The following ANKRD13A variants were observed in gnomAD, a reference collection of about 807,000 sequenced individuals.
ANKRD13A encodes ankyrin repeat domain-containing protein 13A.
Under a neutral mutation model 81.3 loss-of-function variants are expected in ANKRD13A, and 48 were observed. The observed-to-expected ratio is 0.59, with a 90% confidence interval of 0.47 to 0.75. ANKRD13A has a LOEUF of 0.75. Among genes scored for constraint, ANKRD13A ranks in the 30% least tolerant of loss-of-function variants. The pLI is 0.00. For missense variants in ANKRD13A, 612 were observed against 734.0 expected (o/e 0.83, Z 1.92); for synonymous variants, 230 against 270.1 (o/e 0.85, Z 1.45).
intron 10 of ANKRD13A, 70 bp from the exon 11 acceptor site, chr12:110,029,408 T>G: frequency 2.6e-6 from 4 of 1,542,812 alleles, no homozygotes; most frequent in Non-Finnish European, 3.6e-6. Flanking sequence ...TCTAGCCTAC[T>G]GCATAGCAAT....
chr12:110,001,888 T>C (rs530176735), intron 1 of ANKRD13A, among the ~76,000 whole-genome samples: 4 of 152,204 alleles, frequency 2.6e-5, no homozygotes, highest in Non-Finnish European at 5.9e-5. Context: ...ATTCCTTTTC[T>C]ATTACTAGAC....
chr12:110,024,336 A>C (rs1292683437), intron 7 of ANKRD13A, among the ~76,000 whole-genome samples: 2 of 152,120 alleles, frequency 1.3e-5, no homozygotes, highest in Non-Finnish European at 2.9e-5. Flanking sequence ...AAAGAGAAAC[A>C]ATATGGTAGA....
intron 4 of ANKRD13A, 144 bp downstream of exon 4, chr12:110,016,577 G>GA (rs1890815458): frequency 1.4e-6 from 1 of 723,066 alleles, no homozygotes; most frequent in Admixed American, 3.1e-5. Context: ...AATAATCACT[G>GA]ATAGTCCCAG....
chr12:110,012,207 A>T (rs1890565192), intron 2 of ANKRD13A, 70 bp downstream of exon 2: 2 of 1,500,222 alleles, frequency 1.3e-6, no homozygotes, highest in Non-Finnish European at 1.8e-6. Context: ...CTACAAAAAA[A>T]TATGAAAATT....
rs1011211037 is a variant in ANKRD13A, at chr12:109,999,703, C to T, written c.15C>T (p.Cys5=). Residue 5 remains cysteine, a synonymous_variant, in exon 1 of 15, where the codon TGC becomes TGT. Coordinates refer to ENST00000261739, the MANE Select transcript of ANKRD13A (RefSeq NM_033121.2). The surrounding 1 kb of genome is among the most constrained non-coding windows in gnomAD (Gnocchi z 4.3). ...GCCTCCTCGCCATGTCCTCGGCCTGCGACGCGGGCGACCACTACCCCCTGC... is the reference window on the plus strand; with the variant it reads ...GCCTCCTCGCCATGTCCTCGGCCTGTGACGCGGGCGACCACTACCCCCTGC... MSSA[C]DAGDHYPLHL... 6 of 1,535,466 alleles carry T rather than the reference C, an allele frequency of 3.9e-6. No individual in the cohort carries two copies. The highest frequency in any genetic ancestry group is 1.7e-4 in the Middle Eastern group (1 of 5,860).
chr12:110,002,674 C>T (rs1409764309), intron 1 of ANKRD13A, among the ~76,000 whole-genome samples: 1 of 152,144 alleles, frequency 6.6e-6, no homozygotes, highest in Non-Finnish European at 1.5e-5. Context: ...GGCTGTTTCC[C>T]TTAATGTTTT....
intron 6 of ANKRD13A, chr12:110,021,425 C>CTT (rs59262099): frequency 1.4e-3 from 184 of 130,138 alleles, no homozygotes; most frequent in South Asian, 2.1e-3. Flanking sequence ...TTTTTTCTTT[C>CTT]TTTTTTTTTT....
At chr12:110,027,441 C>T in intron 8 of ANKRD13A, 1 of 406,770 alleles carries the variant, frequency 2.5e-6, no homozygotes. Flanking sequence ...GGGTTGGAAT[C>T]CAGGTCTGGC....
chr12:110,030,479 C>T (rs1891617870), intron 11 of ANKRD13A, among the ~76,000 whole-genome samples, 166 bp from the exon 12 acceptor site: 1 of 152,100 alleles, frequency 6.6e-6, no homozygotes, highest in African/African-American at 2.4e-5. Context: ...AAATACACAA[C>T]TCTCAATCTC....
intron 6 of ANKRD13A, chr12:110,021,026 C>T: frequency 2.5e-6 from 1 of 404,676 alleles, no homozygotes; most frequent in Non-Finnish European, 5.1e-6. Context: ...TGGCTGTTAC[C>T]CCACTGAGTA....
At chr12:110,001,177 G>A (rs189589066) in intron 1 of ANKRD13A, among the ~76,000 whole-genome samples, 1 of 151,646 alleles carries the variant, frequency 6.6e-6, no homozygotes, top group East Asian at 1.9e-4. Flanking sequence ...ATCTAGTATG[G>A]TTGTTCTTGT....
chr12:110,029,728 G>A, intron 11 of ANKRD13A, 93 bp downstream of exon 11: 1 of 1,447,840 alleles, frequency 6.9e-7, no homozygotes, highest in Non-Finnish European at 9.6e-7. Flanking sequence ...GGGAATTGGA[G>A]TGCTTTAGGT....
In ANKRD13A at chr12:110,039,253, A is replaced by C. The variant is rs1009061946; in HGVS notation, c.*1699A>C. 1 of 152,186 alleles carries C rather than the reference A, an allele frequency of 6.6e-6. No homozygotes were observed. The highest frequency in any genetic ancestry group is 1.5e-5 in the Non-Finnish European group (1 of 68,034). 9.4% of individuals were successfully genotyped at this position (152,186 alleles called of 1,614,324 possible). On this transcript the variant is annotated 3_prime_UTR_variant, in exon 15 of 15. Transcript: ENST00000261739. ...TGTCATTGGCTCACAAAAGTGACTC[A>C]TAGGTAATTTCTGTGTTTGCATTCC...
At chr12:110,017,983 A>C (rs1472750492) in intron 4 of ANKRD13A, among the ~76,000 whole-genome samples, 1 of 152,070 alleles carries the variant, frequency 6.6e-6, no homozygotes, top group African/African-American at 2.4e-5. Context: ...TGAATGGTGG[A>C]TATGACAATA....
intron 1 of ANKRD13A, among the ~76,000 whole-genome samples, chr12:110,000,127 G>A (rs1182940603): frequency 6.6e-6 from 1 of 152,182 alleles, no homozygotes; most frequent in South Asian, 2.1e-4. Context: ...GGGCCGGCTG[G>A]CTCCGGAATG....
intron 12 of ANKRD13A, among the ~76,000 whole-genome samples, chr12:110,033,525 G>T (rs1003479687): frequency 6.6e-6 from 1 of 152,088 alleles, no homozygotes; most frequent in South Asian, 2.1e-4. Flanking sequence ...GTGCGTATAT[G>T]TTTAGGGGGA....
At position 110,025,737 on chromosome 12, in the gene ANKRD13A, C is replaced by T; in HGVS notation, c.802-5C>T. 6.2e-7 allele frequency: 1 copy of T among 1,604,894 alleles called. No homozygotes were observed. The highest frequency in any genetic ancestry group is 8.5e-7 in the Non-Finnish European group (1 of 1,175,558). On this transcript the variant is annotated splice_region_variant and splice_polypyrimidine_tract_variant and intron_variant, in intron 7 of 14. Coordinates refer to ENST00000261739, the MANE Select transcript of ANKRD13A (RefSeq NM_033121.2). ...TCACTGTTTTCTTTCGCATACACCT[C>T]TCAGGTTTACACAGTAAACAATGTG...
chr12:110,008,062 C>T (rs1890327736), intron 1 of ANKRD13A, among the ~76,000 whole-genome samples: 1 of 152,190 alleles, frequency 6.6e-6, no homozygotes. Flanking sequence ...AGGACATCCT[C>T]ATCTTGTTCC....
At chr12:110,013,343 G>T in intron 3 of ANKRD13A, 94 bp downstream of exon 3, 1 of 1,472,660 alleles carries the variant, frequency 6.8e-7, no homozygotes, top group Non-Finnish European at 9.3e-7. Flanking sequence ...CCTTCCTAAA[G>T]AGTTTTCTGA....
Sources: allele counts gnomAD v4.1 joint callset (sites outside exome capture counted in the v4.1 genomes callset), GRCh38; gene constraint gnomAD v4.1.1; non-coding constraint Gnocchi (gnomAD v3.1); transcripts MANE v1.5; gene names NCBI Gene and HGNC (gene_info 2026-07-23, HGNC 2026-07-21).